Variants in EZH2 observed in about 807,000 individuals in gnomAD.
EZH2 encodes the protein enhancer of zeste 2 polycomb repressive complex 2 subunit, also known as histone-lysine N-methyltransferase EZH2.
Under a neutral mutation model 98.4 loss-of-function variants are expected in EZH2, and 18 were observed. The observed-to-expected ratio is 0.18, with a 90% CI of 0.13 to 0.27. The LOEUF is 0.27. Among genes scored for constraint, EZH2 ranks in the 10% least tolerant of loss-of-function variants. The pLI, the probability that EZH2 is intolerant of heterozygous loss-of-function variation, is 1.00. For missense variants in EZH2, 470 were observed against 935.1 expected, an observed-to-expected ratio of 0.50 and a Z score of 6.49; for synonymous variants, 338 against 312.3, an observed-to-expected ratio of 1.08 and a Z score of -0.87.
At chr7:148,846,216 T>C (rs980943307) in intron 3 of EZH2, among the ~76,000 whole-genome samples, 4 of 152,158 alleles carry the variant, frequency 2.6e-5, no homozygotes, top group Admixed American at 2.0e-4. Flanking sequence ...AAGCTTTTTT[T>C]TTTAAATCAA....
At chr7:148,868,649 C>T (rs1818887896) in intron 1 of EZH2, among the ~76,000 whole-genome samples, 1 of 152,118 alleles carries the variant, frequency 6.6e-6, no homozygotes, top group Admixed American at 6.5e-5. Flanking sequence ...AATGAGAGGG[C>T]CAGGATGAGT....
chr7:148,865,607 T>TG (rs1818328975), intron 1 of EZH2, among the ~76,000 whole-genome samples: 1 of 152,148 alleles, frequency 6.6e-6, no homozygotes, highest in African/African-American at 2.4e-5. Context: ...CTGTTCTCAT[T>TG]CTAGAGGAAA....
At chr7:148,823,469 T>C (rs934374421) in intron 8 of EZH2, among the ~76,000 whole-genome samples, 6 of 152,106 alleles carry the variant, frequency 3.9e-5, no homozygotes, top group Non-Finnish European at 5.9e-5. Context: ...CTGAATGCTA[T>C]GCCACCATGT....
chr7:148,807,835 A>C (rs1391004084), intron 19 of EZH2, 129 bp from the exon 20 acceptor site: 5 of 571,178 alleles, frequency 8.8e-6, no homozygotes, highest in Non-Finnish European at 1.2e-5. Context: ...AAAAAAAAAA[A>C]ACCCATCCAA....
chr7:148,809,704 G>A (rs963328023), intron 17 of EZH2, among the ~76,000 whole-genome samples: 1 of 149,674 alleles, frequency 6.7e-6, no homozygotes, highest in Non-Finnish European at 1.5e-5. Flanking sequence ...CAAACATCAC[G>A]AATAGGCATT....
At chr7:148,821,118 G>C (rs1249878735) in intron 8 of EZH2, 2 of 145,958 alleles carry the variant, frequency 1.4e-5, no homozygotes, top group African/African-American at 5.1e-5. Context: ...AAATAAAGTA[G>C]GTAGAAAAGA....
intron 1 of EZH2, among the ~76,000 whole-genome samples, chr7:148,865,166 T>C (rs551637313): frequency 2.7e-5 from 4 of 148,842 alleles, no homozygotes; most frequent in Admixed American, 2.7e-4. Flanking sequence ...AAAGCTATGA[T>C]ACAAAATTCA....
At chr7:148,816,949 T>C (rs542794493) in intron 11 of EZH2, 171 bp from the exon 12 acceptor site, 19 of 607,142 alleles carry the variant, frequency 3.1e-5, no homozygotes, top group Non-Finnish European at 5.5e-5. Flanking sequence ...GCTGTAATTA[T>C]ATTCTGGTCA....
intron 16 of EZH2, among the ~76,000 whole-genome samples, chr7:148,810,977 G>A (rs1444556962): frequency 2.6e-5 from 4 of 151,174 alleles, no homozygotes; most frequent in South Asian, 4.2e-4. Flanking sequence ...CGGTAACACT[G>A]TCGACAATTT....
Position 148,827,293 on chromosome 7 carries a change from A to G in EZH2, c.626-27T>C, listed in dbSNP as rs766086001. 1.9e-6 allele frequency: 3 copies of G among 1,553,706 alleles called. No homozygotes were observed. The African/African-American group carries it at 4.1e-5, about 21-fold the overall frequency. On this transcript the variant is annotated intron_variant, in intron 6 of 19. Transcript: ENST00000320356. ...TAAACAGGAGAATATGAAAGGAAAAAAAGAATGGAAGTAAACAAGTTTTTG... is the reference window on the plus strand; with the variant it reads ...TAAACAGGAGAATATGAAAGGAAAAGAAGAATGGAAGTAAACAAGTTTTTG...
At chr7:148,857,851 C>T (rs1460705560) in intron 1 of EZH2, among the ~76,000 whole-genome samples, 3 of 151,986 alleles carry the variant, frequency 2.0e-5, no homozygotes, top group African/African-American at 7.2e-5. Context: ...AATGTAAAGG[C>T]ATTCATTTTT....
chr7:148,810,932 G>A (rs1258488176), intron 16 of EZH2, among the ~76,000 whole-genome samples: 1 of 150,782 alleles, frequency 6.6e-6, no homozygotes, highest in African/African-American at 2.5e-5. Context: ...ATTTGGGTGA[G>A]CTGGTTCCAA....
At chr7:148,858,421 G>A (rs534429022) in intron 1 of EZH2, among the ~76,000 whole-genome samples, 16 of 152,014 alleles carry the variant, frequency 1.1e-4, no homozygotes, top group Non-Finnish European at 2.1e-4. Flanking sequence ...CTGCAGCCTG[G>A]AACATCTGGG....
At chr7:148,871,577 C>CTTTTTTTTTTTTTTTTTTTTTT (rs376098406) in intron 1 of EZH2, among the ~76,000 whole-genome samples, 3 of 135,254 alleles carry the variant, frequency 2.2e-5, no homozygotes, top group African/African-American at 8.4e-5. Flanking sequence ...AGTGTATTTT[C>CTTTTTTTTTTTTTTTTTTTTTT]TTTTTTTTTT....
rs1487997628 is a variant in EZH2 at position 148,829,759 on chromosome 7, T to C, written c.453A>G (p.Lys151=). 1.2e-6 allele frequency: 2 copies of C among 1,610,886 alleles called. No individual in the cohort carries two copies. Among genetic ancestry groups the C allele is most frequent in the South Asian group, 2.2e-5 (2 of 90,324 alleles). Residue 151 remains lysine (K), a synonymous_variant, in exon 5 of 20, where the codon AAA becomes AAG. Coordinates refer to ENST00000320356, the MANE Select transcript of EZH2 (RefSeq NM_004456.5). ...CCCCGTGTACTTTCCCATCATAATT[T>C]TTTATTAGTTCTTCAATGAAAGTAC... The part of the protein sequence containing the change: ...QDGTFIEELI[K]NYDGKVHGDR...
At chr7:148,874,143 T>C (rs1205836628) in intron 1 of EZH2, among the ~76,000 whole-genome samples, 2 of 152,198 alleles carry the variant, frequency 1.3e-5, no homozygotes, top group African/African-American at 4.8e-5. Context: ...CCCAGCACTT[T>C]GGGAGGCCAA....
At chr7:148,840,058 T>C (rs1812037236) in intron 3 of EZH2, among the ~76,000 whole-genome samples, 1 of 152,204 alleles carries the variant, frequency 6.6e-6, no homozygotes, top group Admixed American at 6.5e-5. Context: ...AATATTGTGT[T>C]GAGAATATAG....
intron 1 of EZH2, among the ~76,000 whole-genome samples, chr7:148,871,749 A>G (rs751213370): frequency 1.3e-5 from 2 of 151,784 alleles, no homozygotes; most frequent in African/African-American, 4.8e-5. Context: ...TAACTTTTTT[A>G]TTTTTTGTAG....
chr7:148,874,480 T>C (rs887638313), intron 1 of EZH2, among the ~76,000 whole-genome samples: 50 of 152,068 alleles, frequency 3.3e-4, no homozygotes, highest in African/African-American at 1.2e-3. Flanking sequence ...GAATGCTACC[T>C]TCAGGAATTT....
Sources: allele counts gnomAD v4.1 joint callset (sites outside exome capture counted in the v4.1 genomes callset), GRCh38; gene constraint gnomAD v4.1.1; transcripts MANE v1.5; gene names NCBI Gene and HGNC (gene_info 2026-07-23, HGNC 2026-07-21).